HSPA6: variants seen among roughly 807,000 people sequenced by gnomAD.
HSPA6 encodes heat shock 70 kDa protein 6.
For missense variants in HSPA6, 718 were observed against 860.9 expected (o/e 0.83, Z 2.08); for synonymous variants, 312 against 368.2 (o/e 0.85, Z 1.75).
In HSPA6 at chr1:161,525,129, C is replaced by G; in HGVS notation, c.471C>G (p.Arg157=). ...TVPAYFNDSQ[R]QATKDAGAIA... Reference sequence around the variant, plus strand: ...CCGCCTATTTCAATGACTCGCAGCGCCAGGCCACCAAGGACGCGGGGGCCA... The same window carrying G: ...CCGCCTATTTCAATGACTCGCAGCGGCAGGCCACCAAGGACGCGGGGGCCA... The change falls in exon 1 of 1, where the codon CGC becomes CGG. Residue 157 remains arginine (R), a synonymous_variant. Coordinates refer to ENST00000309758, the MANE Select transcript of HSPA6 (RefSeq NM_002155.5). 5 of 1,613,794 alleles carry G rather than the reference C, an allele frequency of 3.1e-6. No homozygotes were observed. The highest frequency in any genetic ancestry group is 4.2e-6 in the Non-Finnish European group (5 of 1,179,950).
In HSPA6 at chr1:161,526,214, G is replaced by A. The variant is rs1298054349; in HGVS notation, c.1556G>A (p.Arg519Lys). The A allele has an allele frequency of 2.5e-6, 4 of 1,613,960 alleles. No homozygotes were observed. Among genetic ancestry groups the A allele is most frequent in the Non-Finnish European group, 2.5e-6 (3 of 1,179,936 alleles). The stretch of plus-strand genomic sequence containing the variant: ...CGGCTGAGCAAGGAGGAGGTGGAGA[G>A]GATGGTTCATGAAGCCGAGCAGTAC... ...KGRLSKEEVERMVHEAEQYKA... is the reference protein window; with the variant it reads ...KGRLSKEEVEKMVHEAEQYKA... The change falls in exon 1 of 1, where the codon AGG (arginine) becomes AAG (lysine). Residue 519 changes from arginine (R) to lysine (K), a missense_variant. Coordinates refer to ENST00000309758, the MANE Select transcript of HSPA6 (RefSeq NM_002155.5).
chr1:161,526,666 G>A lies in HSPA6; in HGVS notation c.*76G>A, dbSNP rs1235857379. Reference sequence around the variant, plus strand: ...CTTCTAGACTGTCTTCTATGATCCTGCCCTTCAGAGATGAACTTTCCCTCC... The same window carrying A: ...CTTCTAGACTGTCTTCTATGATCCTACCCTTCAGAGATGAACTTTCCCTCC... On this transcript the variant is annotated 3_prime_UTR_variant, in exon 1 of 1. Coordinates refer to ENST00000309758, the MANE Select transcript of HSPA6 (RefSeq NM_002155.5). 8.7e-6 allele frequency: 12 copies of A among 1,371,952 alleles called. No homozygotes were observed. The Admixed American group carries it at 1.6e-4, about 18-fold the overall frequency. 85.0% of individuals were successfully genotyped at this position (1,371,952 alleles called of 1,614,324 possible).
rs754218255 is a variant in HSPA6, at chr1:161,525,064, T to C, written c.406T>C (p.Tyr136His). The C allele has an allele frequency of 1.2e-6, 2 of 1,613,136 alleles. No homozygotes were observed. The highest frequency in any genetic ancestry group is 1.7e-5 in the Admixed American group (1 of 59,958). ...LSKMKETAEAYLGQPVKHAVI... is the reference protein window; with the variant it reads ...LSKMKETAEAHLGQPVKHAVI... Reference sequence around the variant, plus strand: ...CAAGATGAAGGAGACGGCCGAGGCGTACCTGGGCCAGCCCGTGAAGCACGC... The same window carrying C: ...CAAGATGAAGGAGACGGCCGAGGCGCACCTGGGCCAGCCCGTGAAGCACGC... Residue 136 changes from tyrosine to histidine, a missense_variant, in exon 1 of 1, where the codon TAC (tyrosine) becomes CAC (histidine). By Grantham distance (83) the Tyr-to-His change is moderately conservative. Coordinates refer to ENST00000309758, the MANE Select transcript of HSPA6 (RefSeq NM_002155.5).
chr1:161,524,807 A>C lies in HSPA6; in HGVS notation c.149A>C (p.Glu50Ala). 1 of 1,597,888 alleles carries C rather than the reference A, an allele frequency of 6.3e-7. No homozygotes were observed. Among genetic ancestry groups the C allele is most frequent in the Non-Finnish European group, 8.5e-7 (1 of 1,170,536 alleles). ...AGCTACGTGGCCTTCACCGACACCG[A>C]GCGGCTGGTCGGGGACGCGGCCAAG... The part of the protein sequence containing the change: ...TPSYVAFTDT[E>A]RLVGDAAKSQ... The change falls in exon 1 of 1, where the codon GAG becomes GCG. Residue 50 changes from glutamate to alanine, a missense_variant. By Grantham distance (107) the Glu-to-Ala change is moderately radical. Transcript: ENST00000309758.
chr1:161,524,651 C>T lies in HSPA6; in HGVS notation c.-8C>T, dbSNP rs41297694. The T allele has an allele frequency of 1.1e-3, 1,486 of 1,340,942 alleles. 11 individuals are homozygous for T. Among genetic ancestry groups the T allele is most frequent in the Admixed American group, 8.7e-3 (388 of 44,560 alleles). The allele number at this position is 1,340,942 out of a possible 1,614,324, so 83.1% of individuals were successfully genotyped here. On this transcript the variant is annotated 5_prime_UTR_variant, in exon 1 of 1. Coordinates refer to ENST00000309758, the MANE Select transcript of HSPA6 (RefSeq NM_002155.5). ...GTGGCCTCCAGCATCCGACAAGAAG[C>T]TTCAGCCATGCAGGCCCCACGGGAG...
chr1:161,525,354 A>T lies in HSPA6; in HGVS notation c.696A>T (p.Gly232=). ...KATAGDTHLG[G]EDFDNRLVNH... is the part of the protein sequence containing the mutation. ...CTGCTGGAGATACCCACCTGGGAGG[A>T]GAGGACTTCGACAACCGGCTCGTGA... The change falls in exon 1 of 1, where the codon GGA becomes GGT. Residue 232 remains glycine (G), a synonymous_variant. Transcript: ENST00000309758. The T allele has an allele frequency of 6.2e-7, 1 of 1,613,554 alleles. No homozygotes were observed. Among genetic ancestry groups the T allele is most frequent in the Non-Finnish European group, 8.5e-7 (1 of 1,179,750 alleles).
Position 161,525,559 on chromosome 1 carries a change from C to T in HSPA6, c.901C>T (p.Arg301Cys), listed in dbSNP as rs758911776. 7 of 1,613,442 alleles carry T rather than the reference C, an allele frequency of 4.3e-6. No homozygotes were observed. The highest frequency in any genetic ancestry group is 2.2e-5 in the South Asian group (2 of 91,020). Residue 301 changes from arginine (R) to cysteine (C), a missense_variant, in exon 1 of 1, where the codon CGT becomes TGT. Physicochemically the swap from Arg to Cys is radical, Grantham distance 180. Coordinates refer to ENST00000309758, the MANE Select transcript of HSPA6 (RefSeq NM_002155.5). ...CGTGGACTTCTACACGTCCATCACT[C>T]GTGCCCGCTTTGAGGAACTGTGCTC... Reference protein sequence around the residue: ...EGVDFYTSITRARFEELCSDL... With the variant: ...EGVDFYTSITCARFEELCSDL...
At position 161,525,664 on chromosome 1, in the gene HSPA6, G is replaced by T. The variant is rs417707; in HGVS notation, c.1006G>T (p.Val336Phe). Reference protein sequence around the residue: ...AKLDKAQIHDVVLVGGSTRIP... With the variant: ...AKLDKAQIHDFVLVGGSTRIP... ...GCTGGACAAGGCCCAGATTCATGAC[G>T]TCGTCCTGGTGGGGGGCTCCACACG... Residue 336 changes from valine to phenylalanine, a missense_variant, in exon 1 of 1, where the codon GTC (valine) becomes TTC (phenylalanine). By Grantham distance (50) the Val-to-Phe change is conservative. Coordinates refer to ENST00000309758, the MANE Select transcript of HSPA6 (RefSeq NM_002155.5). 1.5e-4 allele frequency: 235 copies of T among 1,613,922 alleles called. 1 individual carries two copies. Among genetic ancestry groups the T allele is most frequent in the Admixed American group, 7.8e-4 (47 of 59,986 alleles).
rs1676612045 is a variant in HSPA6 at position 161,524,571 on chromosome 1, G to A, written c.-88G>A. ...GAGCCGGGCTGGCTGCAGAGAAACC[G>A]CAGGGAGAGCCTCACTGCTGAGCGC... On this transcript the variant is annotated 5_prime_UTR_variant, in exon 1 of 1. Transcript: ENST00000309758. The A allele has an allele frequency of 1.5e-6, 2 of 1,367,010 alleles. No homozygotes were observed. The highest frequency in any genetic ancestry group is 2.0e-6 in the Non-Finnish European group (2 of 996,382). 84.7% of individuals were successfully genotyped at this position (1,367,010 alleles called of 1,614,324 possible). A position where few individuals can be genotyped will look rare whatever the true frequency, so the allele number is the denominator to read the frequency against.
rs1238198599 is a variant in HSPA6, at chr1:161,526,336, C to A, written c.1678C>A (p.Leu560Ile). The change falls in exon 1 of 1, where the codon CTT (leucine) becomes ATT (isoleucine). Residue 560 changes from leucine to isoleucine, a missense_variant. Transcript: ENST00000309758. Reference sequence around the variant, plus strand: ...GAAAGGTTCTTTGCAAGAGGAAAGCCTTAGGGACAAGATTCCCGAAGAGGA... The same window carrying A: ...GAAAGGTTCTTTGCAAGAGGAAAGCATTAGGGACAAGATTCCCGAAGAGGA... Reference protein sequence around the residue: ...HVKGSLQEESLRDKIPEEDRR... With the variant: ...HVKGSLQEESIRDKIPEEDRR... The A allele has an allele frequency of 6.2e-7, 1 of 1,605,566 alleles. No homozygotes were observed. The highest frequency in any genetic ancestry group is 8.5e-7 in the Non-Finnish European group (1 of 1,175,524).
rs144265854 is a variant in HSPA6 at position 161,525,183 on chromosome 1, C to A, written c.525C>A (p.Ile175=). ...AIAGLNVLRI[I]NEPTAAAIAY... ...CGGGGCTCAACGTGTTGCGGATCATCAATGAGCCCACGGCAGCTGCCATCG... is the reference window on the plus strand; with the variant it reads ...CGGGGCTCAACGTGTTGCGGATCATAAATGAGCCCACGGCAGCTGCCATCG... Residue 175 remains isoleucine (I), a synonymous_variant, in exon 1 of 1, where the codon ATC becomes ATA. Coordinates refer to ENST00000309758, the MANE Select transcript of HSPA6 (RefSeq NM_002155.5). The A allele has an allele frequency of 6.2e-7, 1 of 1,613,966 alleles. No individual in the cohort carries two copies. Among genetic ancestry groups the A allele is most frequent in the Non-Finnish European group, 8.5e-7 (1 of 1,179,964 alleles).
chr1:161,526,668 C>T lies in HSPA6; in HGVS notation c.*78C>T. The T allele has an allele frequency of 7.3e-7, 1 of 1,362,482 alleles. No individual in the cohort carries two copies. Among genetic ancestry groups the T allele is most frequent in the South Asian group, 1.7e-5 (1 of 57,754 alleles). 84.4% of individuals were successfully genotyped at this position (1,362,482 alleles called of 1,614,324 possible). ...TCTAGACTGTCTTCTATGATCCTGC[C>T]CTTCAGAGATGAACTTTCCCTCCAA... is the stretch of plus-strand genomic sequence containing the variant. On this transcript the variant is annotated 3_prime_UTR_variant, in exon 1 of 1. Transcript: ENST00000309758.
rs1571997477 is a variant in HSPA6 at position 161,525,078 on chromosome 1, C to G, written c.420C>G (p.Pro140=). The change falls in exon 1 of 1, where the codon CCC becomes CCG. Residue 140 remains proline, a synonymous_variant. Transcript: ENST00000309758. ...KETAEAYLGQ[P]VKHAVITVPA... ...CGGCCGAGGCGTACCTGGGCCAGCC[C>G]GTGAAGCACGCAGTGATCACCGTGC... The G allele has an allele frequency of 1.2e-6, 2 of 1,613,380 alleles. No homozygotes were observed. Among genetic ancestry groups the G allele is most frequent in the Non-Finnish European group, 1.7e-6 (2 of 1,179,898 alleles).
chr1:161,524,906 C>G lies in HSPA6; in HGVS notation c.248C>G (p.Thr83Ser). ...CTGATCGGGCGCAAGTTCGCGGACACCACGGTGCAGTCGGACATGAAGCAC... is the reference window on the plus strand; with the variant it reads ...CTGATCGGGCGCAAGTTCGCGGACAGCACGGTGCAGTCGGACATGAAGCAC... ...KRLIGRKFAD[T>S]TVQSDMKHWP... Residue 83 changes from threonine to serine, a missense_variant, in exon 1 of 1, where the codon ACC (threonine) becomes AGC (serine). Physicochemically the swap from Thr to Ser is moderately conservative, Grantham distance 58. Coordinates refer to ENST00000309758, the MANE Select transcript of HSPA6 (RefSeq NM_002155.5). 1 of 1,613,426 alleles carries G rather than the reference C, an allele frequency of 6.2e-7. No individual in the cohort carries two copies. Among genetic ancestry groups the G allele is most frequent in the Non-Finnish European group, 8.5e-7 (1 of 1,179,850 alleles).
At position 161,526,699 on chromosome 1, in the gene HSPA6, G is replaced by A. The variant is rs1358250214; in HGVS notation, c.*109G>A. ...GAGATGAACTTTCCCTCCAAAGCTA[G>A]AACTTTCTTCCCAGGATAACTGAAG... On this transcript the variant is annotated 3_prime_UTR_variant, in exon 1 of 1. Transcript: ENST00000309758. 3 of 1,236,402 alleles carry A rather than the reference G, an allele frequency of 2.4e-6. No individual in the cohort carries two copies. The highest frequency in any genetic ancestry group is 3.2e-6 in the Non-Finnish European group (3 of 927,964). 76.6% of individuals were successfully genotyped at this position (1,236,402 alleles called of 1,614,324 possible).
rs1353597922 is a variant in HSPA6 at position 161,525,011 on chromosome 1, C to T, written c.353C>T (p.Pro118Leu). The change falls in exon 1 of 1, where the codon CCC becomes CTC. Residue 118 changes from proline to leucine, a missense_variant. By Grantham distance (98) the Pro-to-Leu change is moderately conservative (BLOSUM62 -3). Coordinates refer to ENST00000309758, the MANE Select transcript of HSPA6 (RefSeq NM_002155.5). ...CYRGEDKTFY[P>L]EEISSMVLSK... ...CGCGGGGAGGACAAGACGTTCTACC[C>T]CGAGGAGATCTCGTCCATGGTGCTG... is the stretch of plus-strand genomic sequence containing the variant. 2 of 1,612,788 alleles carry T rather than the reference C, an allele frequency of 1.2e-6. No homozygotes were observed. The highest frequency in any genetic ancestry group is 1.3e-5 in the African/African-American group (1 of 74,872).
In HSPA6 at chr1:161,524,998, A is replaced by C. The variant is rs772062602; in HGVS notation, c.340A>C (p.Lys114Gln). 14 of 1,613,100 alleles carry C rather than the reference A, an allele frequency of 8.7e-6. No individual in the cohort carries two copies. In the South Asian group the frequency reaches 1.3e-4, roughly 15 times the overall value. The stretch of plus-strand genomic sequence containing the variant: ...GCGCGTATGCTACCGCGGGGAGGAC[A>C]AGACGTTCTACCCCGAGGAGATCTC... Reference protein sequence around the residue: ...KVRVCYRGEDKTFYPEEISSM... With the variant: ...KVRVCYRGEDQTFYPEEISSM... The change falls in exon 1 of 1, where the codon AAG becomes CAG. Residue 114 changes from lysine (K) to glutamine (Q), a missense_variant. By Grantham distance (53) the Lys-to-Gln change is moderately conservative (BLOSUM62 1). Coordinates refer to ENST00000309758, the MANE Select transcript of HSPA6 (RefSeq NM_002155.5).
rs761820336 is a variant in HSPA6 at position 161,525,353 on chromosome 1, G to T, written c.695G>T (p.Gly232Val). Reference sequence around the variant, plus strand: ...ACTGCTGGAGATACCCACCTGGGAGGAGAGGACTTCGACAACCGGCTCGTG... The same window carrying T: ...ACTGCTGGAGATACCCACCTGGGAGTAGAGGACTTCGACAACCGGCTCGTG... ...KATAGDTHLGGEDFDNRLVNH... is the reference protein window; with the variant it reads ...KATAGDTHLGVEDFDNRLVNH... Residue 232 changes from glycine (G) to valine (V), a missense_variant, in exon 1 of 1, where the codon GGA (glycine) becomes GTA (valine). Physicochemically the swap from Gly to Val is moderately radical, Grantham distance 109. Transcript: ENST00000309758. 1.7e-5 allele frequency: 28 copies of T among 1,613,642 alleles called. No homozygotes were observed. In the South Asian group the frequency reaches 2.6e-4, roughly 15 times the overall value.
At position 161,525,692 on chromosome 1, in the gene HSPA6, T is replaced by A. The variant is rs1557844207; in HGVS notation, c.1034T>A (p.Ile345Asn). ...GTCCTGGTGGGGGGCTCCACACGCA[T>A]CCCCAAGGTGCAGAAGTTGCTGCAG... ...DVVLVGGSTRIPKVQKLLQDF... is the reference protein window; with the variant it reads ...DVVLVGGSTRNPKVQKLLQDF... The change falls in exon 1 of 1, where the codon ATC (isoleucine) becomes AAC (asparagine). Residue 345 changes from isoleucine (I) to asparagine (N), a missense_variant. Transcript: ENST00000309758. 1 of 1,613,620 alleles carries A rather than the reference T, an allele frequency of 6.2e-7. No homozygotes were observed.
Sources: allele counts gnomAD v4.1 joint callset, GRCh38; gene constraint gnomAD v4.1.1; transcripts MANE v1.5; gene names NCBI Gene and HGNC (gene_info 2026-07-23, HGNC 2026-07-21).